IPO5: variants seen among roughly 807,000 people sequenced by gnomAD.
IPO5 encodes the protein importin 5, also known as importin-5.
IPO5 carries 18 observed loss-of-function variants against 143.3 expected under a neutral mutation model. That is an observed-to-expected ratio of 0.13 (90% CI 0.09 to 0.19). The LOEUF (loss-of-function observed/expected upper bound fraction) is 0.19, where lower values mean the gene tolerates loss of function less well. Ranked by LOEUF, IPO5 falls within the 10% of genes least tolerant of loss-of-function variation. IPO5 has a pLI of 1.00. For missense variants in IPO5, 1,013 were observed against 1,336.9 expected (o/e 0.76, Z 3.78); for synonymous variants, 477 against 465.7 (o/e 1.02, Z -0.31).
chr13:97,995,518 G>A (rs1888196928), intron 11 of IPO5, among the ~76,000 whole-genome samples: 1 of 152,086 alleles, frequency 6.6e-6, no homozygotes, highest in Non-Finnish European at 1.5e-5. Flanking sequence ...CACTTTGGGA[G>A]GCCGAGGCAG....
rs776326281 is a variant in IPO5, at chr13:98,009,874, T to C, written c.1801-7T>C. 5 of 1,573,298 alleles carry C rather than the reference T, an allele frequency of 3.2e-6. No homozygotes were observed. Among genetic ancestry groups the C allele is most frequent in the Middle Eastern group, 1.7e-4 (1 of 5,954 alleles). The stretch of plus-strand genomic sequence containing the variant: ...TAATCTATTTTAATTTTAAAATTTT[T>C]CCCCAGATCTCTTACATGATCTCAG... On this transcript the variant is annotated splice_region_variant and splice_polypyrimidine_tract_variant and intron_variant, in intron 18 of 28. Coordinates refer to ENST00000651721, the MANE Select transcript of IPO5 (RefSeq NM_002271.6).
chr13:97,967,595 T>C (rs1885450572), intron 2 of IPO5, among the ~76,000 whole-genome samples: 1 of 152,144 alleles, frequency 6.6e-6, no homozygotes, highest in African/African-American at 2.4e-5. Flanking sequence ...TTTTGGTATC[T>C]TATATTTTTG....
chr13:98,021,662 TA>T (rs1366891196), intron 28 of IPO5, 73 bp from the exon 29 acceptor site: 4 of 806,518 alleles, frequency 5.0e-6, no homozygotes, highest in Non-Finnish European at 7.6e-6. Flanking sequence ...GATTACAGTT[TA>T]CCTATGATGA....
chr13:97,978,349 A>G (rs1476055030), intron 4 of IPO5, among the ~76,000 whole-genome samples: 1 of 152,230 alleles, frequency 6.6e-6, no homozygotes, highest in African/African-American at 2.4e-5. Context: ...TATAGATTAT[A>G]CATCATATGG....
intron 11 of IPO5, among the ~76,000 whole-genome samples, chr13:97,996,827 C>T (rs900168846): frequency 3.3e-5 from 5 of 151,928 alleles, no homozygotes; most frequent in African/African-American, 7.3e-5. Context: ...CTTCTGACCT[C>T]GTGATCCGCC....
At chr13:97,955,291 C>T (rs2139453568) in intron 2 of IPO5, among the ~76,000 whole-genome samples, 1 of 151,988 alleles carries the variant, frequency 6.6e-6, no homozygotes, top group East Asian at 1.9e-4. Context: ...GCATGCTACT[C>T]TACAGGAAAT....
At chr13:97,980,135 G>T (rs967076963) in intron 4 of IPO5, among the ~76,000 whole-genome samples, 1 of 152,174 alleles carries the variant, frequency 6.6e-6, no homozygotes, top group Non-Finnish European at 1.5e-5. Context: ...GCTAGGAATA[G>T]TATTAGAAAC....
chr13:98,007,593 T>A (rs1337400795), intron 17 of IPO5: 1 of 152,512 alleles, frequency 6.6e-6, no homozygotes, highest in South Asian at 2.1e-4. Flanking sequence ...CATTGGTATG[T>A]TTTTTACCAA....
At chr13:98,013,538 A>G (rs2139841535) in intron 21 of IPO5, among the ~76,000 whole-genome samples, 1 of 152,290 alleles carries the variant, frequency 6.6e-6, no homozygotes, top group Middle Eastern at 3.4e-3. Flanking sequence ...TTAACTTCCC[A>G]GGATGCCAGA....
At chr13:98,021,199 AG>A in intron 28 of IPO5, 66 bp downstream of exon 28, 1 of 1,365,488 alleles carries the variant, frequency 7.3e-7, no homozygotes, top group Non-Finnish European at 1.0e-6. Flanking sequence ...GTCCTCTATG[AG>A]AAGAAACTAG....
intron 3 of IPO5, chr13:97,976,435 AG>A (rs945588359): frequency 1.2e-4 from 18 of 151,084 alleles, no homozygotes; most frequent in Non-Finnish European, 2.5e-4. Flanking sequence ...GCCCCCGAGG[AG>A]GCGTCCTCGG....
chr13:98,015,810 C>T (rs767165713), intron 24 of IPO5, 29 bp downstream of exon 24: 15 of 1,468,434 alleles, frequency 1.0e-5, no homozygotes, highest in East Asian at 2.3e-5. Context: ...AACTTACTTA[C>T]GTGACCACTT....
chr13:97,964,784 G>A (rs562972020), intron 2 of IPO5, among the ~76,000 whole-genome samples: 3 of 152,062 alleles, frequency 2.0e-5, no homozygotes, highest in African/African-American at 7.2e-5. Flanking sequence ...ACAGTGTGGC[G>A]ATTCCTCAAG....
Position 98,006,059 on chromosome 13 carries a change from G to A in IPO5, c.1498-71G>A, listed in dbSNP as rs371607963. ...AGAAAAGCATTCAAGAACTTGAAGGGAGTAGTAATTGTAAATTTAAATACT... is the reference window on the plus strand; with the variant it reads ...AGAAAAGCATTCAAGAACTTGAAGGAAGTAGTAATTGTAAATTTAAATACT... On this transcript the variant is annotated intron_variant, in intron 16 of 28. Coordinates refer to ENST00000651721, the MANE Select transcript of IPO5 (RefSeq NM_002271.6). 1.2e-4 allele frequency: 116 copies of A among 989,288 alleles called. 1 individual carries two copies. In the Middle Eastern group the frequency reaches 1.7e-3, roughly 14 times the overall value. The allele number at this position is 989,288 out of a possible 1,614,324, so 61.3% of individuals were successfully genotyped here. A position where few individuals can be genotyped will look rare whatever the true frequency, so the allele number is the denominator to read the frequency against.
chr13:97,975,015 G>A (rs2139585901), intron 3 of IPO5, among the ~76,000 whole-genome samples: 1 of 152,292 alleles, frequency 6.6e-6, no homozygotes, highest in Non-Finnish European at 1.5e-5. Flanking sequence ...AAGAGCAAAT[G>A]TTTTGACTTT....
At chr13:98,015,242 T>TTTGTGTG (rs1555311876) in intron 22 of IPO5, among the ~76,000 whole-genome samples, 4 of 147,724 alleles carry the variant, frequency 2.7e-5, no homozygotes, top group African/African-American at 7.5e-5. Flanking sequence ...TAGGAGCTGG[T>TTTGTGTG]TGTGTGTGTG....
chr13:98,019,639 T>C lies in IPO5; in HGVS notation c.2895T>C (p.Asn965=). 3 of 1,614,128 alleles carry C rather than the reference T, an allele frequency of 1.9e-6. No homozygotes were observed. The highest frequency in any genetic ancestry group is 1.1e-5 in the South Asian group (1 of 91,076). Residue 965 remains asparagine (N), a synonymous_variant, in exon 27 of 29, where the codon AAT becomes AAC. Coordinates refer to ENST00000651721, the MANE Select transcript of IPO5 (RefSeq NM_002271.6). ...IQSADSKTKE[N]VNATENCISA... ...CTGCGGATTCTAAGACCAAAGAAAA[T>C]GTCAATGCTACAGAGAACTGCATCT...
intron 2 of IPO5, among the ~76,000 whole-genome samples, chr13:97,968,234 G>A (rs1437128733): frequency 1.3e-5 from 2 of 152,132 alleles, no homozygotes; most frequent in Admixed American, 6.5e-5. Flanking sequence ...TTCTGTTGTG[G>A]TCAGAGAACA....
chr13:98,019,232 G>C (rs1322289253), intron 26 of IPO5, among the ~76,000 whole-genome samples: 1 of 152,152 alleles, frequency 6.6e-6, no homozygotes, highest in Non-Finnish European at 1.5e-5. Context: ...GATTACAGGC[G>C]TGAGCCACCA....
Sources: allele counts gnomAD v4.1 joint callset (sites outside exome capture counted in the v4.1 genomes callset), GRCh38; gene constraint gnomAD v4.1.1; transcripts MANE v1.5; gene names NCBI Gene and HGNC (gene_info 2026-07-23, HGNC 2026-07-21).